The following C11orf42 variants were observed in gnomAD, a reference collection of about 807,000 sequenced individuals.
C11orf42 encodes uncharacterized protein C11orf42.
A neutral mutation model predicts 27.9 loss-of-function variants in C11orf42; 24 were observed. The observed-to-expected ratio is 0.86, with a 90% CI of 0.62 to 1.21. The LOEUF (loss-of-function observed/expected upper bound fraction) is 1.21, where lower values mean the gene tolerates loss of function less well. C11orf42 is among the 50% of genes most tolerant of loss of function. C11orf42 has a pLI of 0.00. For missense variants in C11orf42, 455 were observed against 424.1 expected, an observed-to-expected ratio of 1.07 and a Z score of -0.64; for synonymous variants, 187 against 180.8, an observed-to-expected ratio of 1.03 and a Z score of -0.28.
chr11:6,209,831 A>G lies in C11orf42; in HGVS notation c.73-19A>G. ...ACTTCTGACCCTAAGTCCCTGACCTATAAACTGGCCACCTGCAGGTCATCG... is the reference window on the plus strand; with the variant it reads ...ACTTCTGACCCTAAGTCCCTGACCTGTAAACTGGCCACCTGCAGGTCATCG... On this transcript the variant is annotated intron_variant, in intron 1 of 2. Coordinates refer to ENST00000316375, the MANE Select transcript of C11orf42 (RefSeq NM_173525.3). 6.4e-7 allele frequency: 1 copy of G among 1,563,580 alleles called. No homozygotes were observed. Among genetic ancestry groups the G allele is most frequent in the African/African-American group, 1.4e-5 (1 of 73,976 alleles).
At chr11:6,208,476 G>T (rs1043526987) in intron 1 of C11orf42, among the ~76,000 whole-genome samples, 2 of 152,162 alleles carry the variant, frequency 1.3e-5, no homozygotes, top group African/African-American at 2.4e-5. Flanking sequence ...AGACTCTGTG[G>T]AGTGCAGTGG....
chr11:6,211,109 A>C lies in C11orf42; in HGVS notation c.*67A>C. ...GGCATAGGGGTACTGGTCTCTAATA[A>C]ACATCAGCTGCTGCTCCCCCAAACC... On this transcript the variant is annotated 3_prime_UTR_variant, in exon 3 of 3. Transcript: ENST00000316375. 1 of 1,577,090 alleles carries C rather than the reference A, an allele frequency of 6.3e-7. No individual in the cohort carries two copies. Among genetic ancestry groups the C allele is most frequent in the Non-Finnish European group, 8.6e-7 (1 of 1,166,674 alleles).
In C11orf42 at chr11:6,210,719, T is replaced by C; in HGVS notation, c.871+71T>C. The C allele has an allele frequency of 1.3e-6, 2 of 1,519,142 alleles. No individual in the cohort carries two copies. Among genetic ancestry groups the C allele is most frequent in the Non-Finnish European group, 1.8e-6 (2 of 1,114,218 alleles). The allele number at this position is 1,519,142 out of a possible 1,614,324, so 94.1% of individuals were successfully genotyped here. A position where few individuals can be genotyped will look rare whatever the true frequency, so the allele number is the denominator to read the frequency against. On this transcript the variant is annotated intron_variant, in intron 2 of 2. Coordinates refer to ENST00000316375, the MANE Select transcript of C11orf42 (RefSeq NM_173525.3). This position sits in a 1 kb window ranked among gnomAD's most constrained non-coding sequence, Gnocchi z 4.0. ...TGAAGGAGGGAGAAGGCATGAGAAT[T>C]AAGTATGTGAGGAATCCATTACTCA... is the stretch of plus-strand genomic sequence containing the variant.
chr11:6,208,577 C>T (rs896463207), intron 1 of C11orf42, among the ~76,000 whole-genome samples: 2 of 152,164 alleles, frequency 1.3e-5, no homozygotes, highest in African/African-American at 4.8e-5. Flanking sequence ...CAGGCGTGTG[C>T]CACCACACCC....
At chr11:6,207,085 T>G (rs1264321562) in intron 1 of C11orf42, among the ~76,000 whole-genome samples, 2 of 152,206 alleles carry the variant, frequency 1.3e-5, no homozygotes, top group African/African-American at 4.8e-5. Flanking sequence ...ATCACTTTCC[T>G]GGGATGCCCC....
Position 6,210,245 on chromosome 11 carries a change from C to T in C11orf42, c.468C>T (p.Thr156=). 1 of 1,614,194 alleles carries T rather than the reference C, an allele frequency of 6.2e-7. No homozygotes were observed. Among genetic ancestry groups the T allele is most frequent in the Non-Finnish European group, 8.5e-7 (1 of 1,180,036 alleles). Reference sequence around the variant, plus strand: ...AGACTCTTCCCTGGCTCCGAAGCACCCACAGCATCTATGTCATCTACCAGG... The same window carrying T: ...AGACTCTTCCCTGGCTCCGAAGCACTCACAGCATCTATGTCATCTACCAGG... ...LQQTLPWLRS[T]HSIYVIYQVF... Residue 156 remains threonine, a synonymous_variant, in exon 2 of 3, where the codon ACC becomes ACT. Coordinates refer to ENST00000316375, the MANE Select transcript of C11orf42 (RefSeq NM_173525.3). This position sits in a 1 kb window ranked among gnomAD's most constrained non-coding sequence, Gnocchi z 4.0.
At position 6,210,066 on chromosome 11, in the gene C11orf42, A is replaced by T. The variant is rs762484837; in HGVS notation, c.289A>T (p.Thr97Ser). ...ATCTGAGGGTGCCTTCGCCCACTGCACTCGGGAATACTCACCAAATGGCCG... is the reference window on the plus strand; with the variant it reads ...ATCTGAGGGTGCCTTCGCCCACTGCTCTCGGGAATACTCACCAAATGGCCG... ...AGSEGAFAHC[T>S]REYSPNGRAE... is the part of the protein sequence containing the mutation. The change falls in exon 2 of 3, where the codon ACT (threonine) becomes TCT (serine). Residue 97 changes from threonine (T) to serine (S), a missense_variant. By Grantham distance (58) the Thr-to-Ser change is moderately conservative (BLOSUM62 1). Coordinates refer to ENST00000316375, the MANE Select transcript of C11orf42 (RefSeq NM_173525.3). The surrounding 1 kb of genome is among the most constrained non-coding windows in gnomAD (Gnocchi z 4.0). 8 of 1,614,092 alleles carry T rather than the reference A, an allele frequency of 5.0e-6. No individual in the cohort carries two copies. In the East Asian group the frequency reaches 1.6e-4, roughly 31 times the overall value.
chr11:6,210,412 A>C lies in C11orf42; in HGVS notation c.635A>C (p.Lys212Thr). 1 of 1,614,174 alleles carries C rather than the reference A, an allele frequency of 6.2e-7. No individual in the cohort carries two copies. Among genetic ancestry groups the C allele is most frequent in the Non-Finnish European group, 8.5e-7 (1 of 1,180,024 alleles). ...LQSKGVLGPQ[K>T]PLTKDPLPHG... ...TCTAAGGGCGTGCTGGGACCACAGA[A>C]GCCTCTCACTAAAGACCCATTGCCC... The change falls in exon 2 of 3, where the codon AAG (lysine) becomes ACG (threonine). Residue 212 changes from lysine to threonine, a missense_variant. Physicochemically the swap from Lys to Thr is moderately conservative, Grantham distance 78. Coordinates refer to ENST00000316375, the MANE Select transcript of C11orf42 (RefSeq NM_173525.3). The surrounding 1 kb of genome is among the most constrained non-coding windows in gnomAD (Gnocchi z 4.0).
At chr11:6,207,976 C>A (rs1846998041) in intron 1 of C11orf42, among the ~76,000 whole-genome samples, 1 of 152,178 alleles carries the variant, frequency 6.6e-6, no homozygotes, top group South Asian at 2.1e-4. Context: ...ACTGTAAGCA[C>A]TGGGCTCAAA....
In C11orf42 at chr11:6,205,656, C is replaced by G. The variant is rs150033311; in HGVS notation, c.41C>G (p.Ala14Gly). The change falls in exon 1 of 3, where the codon GCT (alanine) becomes GGT (glycine). Residue 14 changes from alanine (A) to glycine (G), a missense_variant. Ala to Gly is a moderately conservative substitution (Grantham distance 60). Coordinates refer to ENST00000316375, the MANE Select transcript of C11orf42 (RefSeq NM_173525.3). Reference sequence around the variant, plus strand: ...CCCAACCTGCTGACACTGGATGAAGCTGATGCCACCTGGACCCTCATCAAG... The same window carrying G: ...CCCAACCTGCTGACACTGGATGAAGGTGATGCCACCTGGACCCTCATCAAG... ...GTPNLLTLDEADATWTLIKDK... is the reference protein window; with the variant it reads ...GTPNLLTLDEGDATWTLIKDK... 9.9e-6 allele frequency: 16 copies of G among 1,613,866 alleles called. No individual in the cohort carries two copies. Among genetic ancestry groups the G allele is most frequent in the East Asian group, 2.2e-5 (1 of 44,856 alleles).
chr11:6,210,624 T>C lies in C11orf42; in HGVS notation c.847T>C (p.Trp283Arg), dbSNP rs757171901. The change falls in exon 2 of 3, where the codon TGG (tryptophan) becomes CGG (arginine). Residue 283 changes from tryptophan to arginine, a missense_variant. Transcript: ENST00000316375. This position sits in a 1 kb window ranked among gnomAD's most constrained non-coding sequence, Gnocchi z 4.0. ...RFSYKGRNPF[W>R]RGPQILSENW... The stretch of plus-strand genomic sequence containing the variant: ...CTCCTACAAGGGCCGAAACCCCTTC[T>C]GGAGGGGGCCCCAGATACTGTCAGG... The C allele has an allele frequency of 1.9e-6, 3 of 1,613,916 alleles. No homozygotes were observed. In the African/African-American group the frequency reaches 4.0e-5, roughly 22 times the overall value.
intron 1 of C11orf42, 31 bp downstream of exon 1, chr11:6,205,718 C>A (rs1347793492): frequency 3.2e-6 from 5 of 1,586,754 alleles, no homozygotes; most frequent in South Asian, 1.1e-5. Flanking sequence ...AAAGAGGAAG[C>A]AACGAAGTGT....
At chr11:6,209,707 GGA>G in intron 1 of C11orf42, 141 bp from the exon 2 acceptor site, 1 of 771,152 alleles carries the variant, frequency 1.3e-6, no homozygotes, top group Admixed American at 2.6e-5. Context: ...TTTTGCTGCC[GGA>G]GAGCTGGGAG....
At chr11:6,208,545 G>T (rs565749337) in intron 1 of C11orf42, among the ~76,000 whole-genome samples, 1 of 152,164 alleles carries the variant, frequency 6.6e-6, no homozygotes, top group African/African-American at 2.4e-5. Flanking sequence ...TCCTGCCTCA[G>T]TATCATGAGT....
chr11:6,210,493 C>T lies in C11orf42; in HGVS notation c.716C>T (p.Thr239Ile). The change falls in exon 2 of 3, where the codon ACA (threonine) becomes ATA (isoleucine). Residue 239 changes from threonine (T) to isoleucine (I), a missense_variant. Coordinates refer to ENST00000316375, the MANE Select transcript of C11orf42 (RefSeq NM_173525.3). This position sits in a 1 kb window ranked among gnomAD's most constrained non-coding sequence, Gnocchi z 4.0. ...AGCATCATGCCGCCTCTGGCCCCCACATCAGCACCTGCTGATACAACTGAA... is the reference window on the plus strand; with the variant it reads ...AGCATCATGCCGCCTCTGGCCCCCATATCAGCACCTGCTGATACAACTGAA... ...NLSIMPPLAP[T>I]SAPADTTEAA... The T allele has an allele frequency of 6.2e-7, 1 of 1,613,788 alleles. No individual in the cohort carries two copies. Among genetic ancestry groups the T allele is most frequent in the South Asian group, 1.1e-5 (1 of 91,072 alleles).
Position 6,210,130 on chromosome 11 carries a change from G to T in C11orf42, c.353G>T (p.Gly118Val). Residue 118 changes from glycine (G) to valine (V), a missense_variant, in exon 2 of 3, where the codon GGA (glycine) becomes GTA (valine). Physicochemically the swap from Gly to Val is moderately radical, Grantham distance 109 (BLOSUM62 -3). Coordinates refer to ENST00000316375, the MANE Select transcript of C11orf42 (RefSeq NM_173525.3). This position sits in a 1 kb window ranked among gnomAD's most constrained non-coding sequence, Gnocchi z 4.0. ...TATGAAGAGACGCGAATGTTGGATG[G>T]ACAGCCCTGCAAGATCCGCCTACAT... is the stretch of plus-strand genomic sequence containing the variant. ...RAYEETRMLD[G>V]QPCKIRLHMG... 6.2e-7 allele frequency: 1 copy of T among 1,614,166 alleles called. No homozygotes were observed. The highest frequency in any genetic ancestry group is 8.5e-7 in the Non-Finnish European group (1 of 1,180,022).
Position 6,210,878 on chromosome 11 carries a change from T to C in C11orf42, c.872-34T>C, listed in dbSNP as rs781099556. 7 of 1,566,432 alleles carry C rather than the reference T, an allele frequency of 4.5e-6. No individual in the cohort carries two copies. In the East Asian group the frequency reaches 1.4e-4, roughly 31 times the overall value. Reference sequence around the variant, plus strand: ...AGCTAGGGGGGGAAAAGACCAGCCATGAGTCAAGCTGTGACTATCCCCAAC... The same window carrying C: ...AGCTAGGGGGGGAAAAGACCAGCCACGAGTCAAGCTGTGACTATCCCCAAC... On this transcript the variant is annotated intron_variant, in intron 2 of 2. Transcript: ENST00000316375. This position sits in a 1 kb window ranked among gnomAD's most constrained non-coding sequence, Gnocchi z 4.0.
chr11:6,210,734 TC>T lies in C11orf42; in HGVS notation c.871+88del, dbSNP rs1847048442. 1.3e-5 allele frequency: 19 copies of T among 1,469,952 alleles called. No homozygotes were observed. The highest frequency in any genetic ancestry group is 1.8e-5 in the Non-Finnish European group (19 of 1,081,376). The allele number at this position is 1,469,952 out of a possible 1,614,324, so 91.1% of individuals were successfully genotyped here. A position where few individuals can be genotyped will look rare whatever the true frequency, so the allele number is the denominator to read the frequency against. Reference sequence around the variant, plus strand: ...GCATGAGAATTAAGTATGTGAGGAATCCATTACTCAGCACAGGGCTCTGGTG... The same window carrying T: ...GCATGAGAATTAAGTATGTGAGGAATCATTACTCAGCACAGGGCTCTGGTG... On this transcript the variant is annotated intron_variant, in intron 2 of 2. Coordinates refer to ENST00000316375, the MANE Select transcript of C11orf42 (RefSeq NM_173525.3). This position sits in a 1 kb window ranked among gnomAD's most constrained non-coding sequence, Gnocchi z 4.0.
Position 6,210,314 on chromosome 11 carries a change from C to T in C11orf42, c.537C>T (p.Ala179=). 6.2e-7 allele frequency: 1 copy of T among 1,614,192 alleles called. No individual in the cohort carries two copies. The highest frequency in any genetic ancestry group is 8.5e-7 in the Non-Finnish European group (1 of 1,180,034). Residue 179 remains alanine, a synonymous_variant, in exon 2 of 3, where the codon GCC becomes GCT. Coordinates refer to ENST00000316375, the MANE Select transcript of C11orf42 (RefSeq NM_173525.3). The surrounding 1 kb of genome is among the most constrained non-coding windows in gnomAD (Gnocchi z 4.0). ...TGCAGCTGGGGCTGACGTCTACAGCCCGTGAGCCCCAGCTCCTCCGGCTAC... is the reference window on the plus strand; with the variant it reads ...TGCAGCTGGGGCTGACGTCTACAGCTCGTGAGCCCCAGCTCCTCCGGCTAC... ...SWLQLGLTST[A]REPQLLRLLR...
Sources: gnomAD v4.1 joint callset for allele counts (sites outside exome capture counted in the v4.1 genomes callset) on GRCh38, gnomAD v4.1.1 for gene constraint, Gnocchi (gnomAD v3.1) non-coding constraint, MANE v1.5 for transcripts, NCBI Gene and HGNC (gene_info 2026-07-23, HGNC 2026-07-21) for gene names.